Variants in CSMD1 observed in about 807,000 individuals in gnomAD.
CSMD1 encodes the protein CUB and sushi domain-containing protein 1.
CSMD1 carries 213 observed loss-of-function variants against 417.5 expected under a neutral mutation model. The observed-to-expected ratio is 0.51, with a 90% confidence interval of 0.46 to 0.57. The LOEUF is 0.57. Among genes scored for constraint, CSMD1 ranks in the 20% least tolerant of loss-of-function variants. CSMD1 has a pLI of 0.00. For missense variants in CSMD1, 6,923 were observed against 4,529.7 expected (o/e 1.53, Z -15.17); for synonymous variants, 2,862 against 1,736.8 (o/e 1.65, Z -16.11).
In CSMD1 at chr8:4,054,601, T is replaced by C. The variant is rs528025231; in HGVS notation, c.416-22502A>G. On this transcript the variant is annotated intron_variant, in intron 3 of 69. Transcript: ENST00000635120. ...GTGGTGTAGTCTAATTGTGGAGGTG[T>C]ATTTAGCTTATTTCCCCATCGGACT... 1.7e-3 allele frequency among the ~76,000 whole-genome samples: 255 copies of C among 152,268 alleles called. 1 individual carries two copies. Among genetic ancestry groups the C allele is most frequent in the African/African-American group, 5.6e-3 (231 of 41,554 alleles).
intron 23 of CSMD1, among the ~76,000 whole-genome samples, chr8:3,308,739 T>G (rs913357948): frequency 2.0e-5 from 3 of 147,706 alleles, no homozygotes; most frequent in Non-Finnish European, 4.5e-5. Flanking sequence ...CAAGTTTTTT[T>G]TTTTTTTTTT....
chr8:4,254,199 G>A (rs1011378973), intron 3 of CSMD1, among the ~76,000 whole-genome samples: 3 of 152,006 alleles, frequency 2.0e-5, no homozygotes, highest in African/African-American at 7.2e-5. Flanking sequence ...CTGCAGGTGT[G>A]AGCCACCACG....
chr8:4,018,467 T>G (rs1796627810), intron 4 of CSMD1, among the ~76,000 whole-genome samples: 1 of 152,170 alleles, frequency 6.6e-6, no homozygotes, highest in Admixed American at 6.5e-5. Context: ...CAGCTGTACC[T>G]ACTTTGCACA....
intron 5 of CSMD1, among the ~76,000 whole-genome samples, chr8:3,803,769 T>G (rs1196327120): frequency 6.6e-6 from 1 of 152,196 alleles, no homozygotes; most frequent in Non-Finnish European, 1.5e-5. Flanking sequence ...TGAAGTAATT[T>G]GAGTAACATT....
intron 5 of CSMD1, among the ~76,000 whole-genome samples, chr8:3,912,688 C>G (rs1261240428): frequency 6.6e-6 from 1 of 152,164 alleles, no homozygotes; most frequent in Admixed American, 6.5e-5. Flanking sequence ...CTGAGAAATA[C>G]ATGCAGAATA....
intron 1 of CSMD1, among the ~76,000 whole-genome samples, chr8:4,905,837 A>AG (rs1172743289): frequency 2.7e-5 from 4 of 149,418 alleles, no homozygotes; most frequent in Middle Eastern, 3.4e-3. Context: ...AAAAAAAAGA[A>AG]AAAAAGAAAA....
At chr8:3,788,045 C>A (rs2129066117) in intron 5 of CSMD1, among the ~76,000 whole-genome samples, 1 of 152,280 alleles carries the variant, frequency 6.6e-6, no homozygotes, top group East Asian at 1.9e-4. Flanking sequence ...TAACCTCACA[C>A]ACTGGCTCAA....
chr8:4,019,715 C>T (rs1796695873), intron 4 of CSMD1, among the ~76,000 whole-genome samples: 2 of 152,062 alleles, frequency 1.3e-5, no homozygotes, highest in Admixed American at 1.3e-4. Context: ...TTTACATGCA[C>T]GTGGGTATGA....
rs75326375 is a variant in CSMD1 at position 4,359,481 on chromosome 8, C to G, written c.415+60472G>C. 3.3e-3 allele frequency among the ~76,000 whole-genome samples: 505 copies of G among 152,256 alleles called. 27 individuals carry two copies. In the East Asian group the frequency reaches 0.085, roughly 26 times the overall value. The stretch of plus-strand genomic sequence containing the variant: ...CCATTCTTTAAAAACAAGATTGAAT[C>G]CTTCCTCTTTGTCTCTTATAGACTT... On this transcript the variant is annotated intron_variant, in intron 3 of 69. Coordinates refer to ENST00000635120, the MANE Select transcript of CSMD1 (RefSeq NM_033225.6).
At chr8:3,568,769 C>G (rs554626239) in intron 10 of CSMD1, among the ~76,000 whole-genome samples, 1 of 151,404 alleles carries the variant, frequency 6.6e-6, no homozygotes, top group Non-Finnish European at 1.5e-5. Flanking sequence ...ACATTTATAC[C>G]TAAAAGATGT....
chr8:3,243,721 ATTAT>A (rs1034583447), intron 26 of CSMD1, among the ~76,000 whole-genome samples: 10 of 151,722 alleles, frequency 6.6e-5, no homozygotes, highest in South Asian at 4.2e-4. Flanking sequence ...AATAAATATA[ATTAT>A]TTATGAAAAT....
chr8:4,810,502 G>C (rs1023891823), intron 1 of CSMD1, among the ~76,000 whole-genome samples: 7 of 152,054 alleles, frequency 4.6e-5, no homozygotes, highest in African/African-American at 1.7e-4. Flanking sequence ...TTTGGCAATT[G>C]TCTGTAACAC....
chr8:3,888,682 G>C (rs528269735), intron 5 of CSMD1, among the ~76,000 whole-genome samples: 93 of 152,280 alleles, frequency 6.1e-4, no homozygotes, highest in African/African-American at 2.1e-3. Flanking sequence ...GAGAGAGAAA[G>C]AGGCTGCCGG....
intron 2 of CSMD1, among the ~76,000 whole-genome samples, chr8:4,472,824 T>C (rs564929862): frequency 6.6e-6 from 1 of 152,142 alleles, no homozygotes; most frequent in Admixed American, 6.5e-5. Context: ...AAATTTGGTA[T>C]ATATACCCTT....
chr8:3,320,198 T>G (rs1165715760), intron 23 of CSMD1, among the ~76,000 whole-genome samples: 1 of 152,176 alleles, frequency 6.6e-6, no homozygotes, highest in Non-Finnish European at 1.5e-5. Flanking sequence ...AGAGTCCAAC[T>G]AAGCAGTGGG....
chr8:4,646,889 T>C (rs1166496520), intron 1 of CSMD1, among the ~76,000 whole-genome samples: 3 of 152,144 alleles, frequency 2.0e-5, no homozygotes, highest in Non-Finnish European at 4.4e-5. Flanking sequence ...TCATGACAAA[T>C]TATGAGCAGA....
chr8:3,197,187 A>T (rs6988133), intron 33 of CSMD1, among the ~76,000 whole-genome samples: 1 of 151,992 alleles, frequency 6.6e-6, no homozygotes, highest in Non-Finnish European at 1.5e-5. Context: ...GATGACATGG[A>T]GGGTGGGAAG....
intron 4 of CSMD1, among the ~76,000 whole-genome samples, chr8:4,023,118 G>C (rs1028497331): frequency 1.2e-4 from 18 of 152,122 alleles, no homozygotes; most frequent in Admixed American, 9.8e-4. Flanking sequence ...GGATGTACAG[G>C]AGATGCACTC....
At chr8:3,878,380 T>G (rs1805973711) in intron 5 of CSMD1, among the ~76,000 whole-genome samples, 1 of 152,168 alleles carries the variant, frequency 6.6e-6, no homozygotes, top group Non-Finnish European at 1.5e-5. Flanking sequence ...AAGAAAATCC[T>G]GGATTTGCCT....
Sources: allele counts gnomAD v4.1 joint callset (sites outside exome capture counted in the v4.1 genomes callset), GRCh38; gene constraint gnomAD v4.1.1; transcripts MANE v1.5; gene names NCBI Gene and HGNC (gene_info 2026-07-23, HGNC 2026-07-21).